SCRIB: variants seen among roughly 807,000 people sequenced by gnomAD.
SCRIB encodes the protein protein scribble homolog.
In SCRIB, 72 loss-of-function variants were observed where a neutral mutation model predicts 170.0. The observed-to-expected ratio is 0.42, with a 90% CI of 0.35 to 0.52. SCRIB has a LOEUF of 0.52. Ranked by LOEUF, SCRIB falls within the 20% of genes least tolerant of loss-of-function variation. The pLI, the probability that SCRIB is intolerant of heterozygous loss-of-function variation, is 0.02. For missense variants in SCRIB, 2,475 were observed against 2,338.5 expected (o/e 1.06, Z -1.20); for synonymous variants, 1,298 against 1,044.3 (o/e 1.24, Z -4.68).
rs1285133450 is a variant in SCRIB, at chr8:143,804,761, G to C, written c.2816C>G (p.Ser939Cys). The change falls in exon 21 of 37, where the codon TCC becomes TGC. Residue 939 changes from serine to cysteine, a missense_variant. Coordinates refer to ENST00000356994, the MANE Select transcript of SCRIB (RefSeq NM_182706.5). ...CTCCAACAGCAGGGCGATGGTGGGG[G>C]AGGCAGCGGTCAGCAGGGAGACGGC... ...DHAVSLLTAASPTIALLLERE... is the reference protein window; with the variant it reads ...DHAVSLLTAACPTIALLLERE... 1.2e-6 allele frequency: 2 copies of C among 1,604,482 alleles called. No homozygotes were observed. The highest frequency in any genetic ancestry group is 1.3e-5 in the African/African-American group (1 of 74,838).
chr8:143,800,915 C>T (rs1485270022), intron 24 of SCRIB, among the ~76,000 whole-genome samples: 1 of 152,170 alleles, frequency 6.6e-6, no homozygotes, highest in African/African-American at 2.4e-5. Flanking sequence ...TCCCAGAATT[C>T]CAGTCGGTTT....
chr8:143,809,330 C>A (rs751634202), intron 14 of SCRIB, among the ~76,000 whole-genome samples: 5 of 152,122 alleles, frequency 3.3e-5, no homozygotes, highest in Non-Finnish European at 5.9e-5. Flanking sequence ...GCCCAGCCGT[C>A]AGGGGAGACC....
In SCRIB at chr8:143,805,202, G is replaced by A. The variant is rs782361677; in HGVS notation, c.2580C>T (p.Arg860=). ...PPESPGPLRQ[R]HVACLARSER... Reference sequence around the variant, plus strand: ...CGCTGCGTGCCAGGCAGGCCACGTGGCGCTGACGGAGGGGCCCGGGGCTCT... The same window carrying A: ...CGCTGCGTGCCAGGCAGGCCACGTGACGCTGACGGAGGGGCCCGGGGCTCT... Residue 860 remains arginine (R), a synonymous_variant, in exon 19 of 37, where the codon CGC becomes CGT. Transcript: ENST00000356994. 10 of 1,570,266 alleles carry A rather than the reference G, an allele frequency of 6.4e-6. No homozygotes were observed. The African/African-American group carries it at 6.8e-5, about 11-fold the overall frequency.
chr8:143,800,248 A>G (rs1352631114), intron 24 of SCRIB, among the ~76,000 whole-genome samples: 2 of 152,186 alleles, frequency 1.3e-5, no homozygotes, highest in Non-Finnish European at 2.9e-5. Context: ...AGCAGATAAG[A>G]GGACTTCAGA....
Position 143,792,718 on chromosome 8 carries a change from C to T in SCRIB, c.4167G>A (p.Gln1389=). Residue 1389 remains glutamine (Q), a synonymous_variant, in exon 30 of 37, where the codon CAG becomes CAA. Coordinates refer to ENST00000356994, the MANE Select transcript of SCRIB (RefSeq NM_182706.5). ...LVGADDLRKM[Q]EEEARKLQQK... ...TTCCGTGCCCCTCACCTTCCTCCTC[C>T]TGCATCTTCCGCAGGTCGTCAGCAC... The T allele has an allele frequency of 6.3e-7, 1 of 1,588,836 alleles. No individual in the cohort carries two copies. Among genetic ancestry groups the T allele is most frequent in the Non-Finnish European group, 8.5e-7 (1 of 1,172,860 alleles).
Position 143,791,264 on chromosome 8 carries a change from T to C in SCRIB, c.4867A>G (p.Arg1623Gly). 1 of 1,523,850 alleles carries C rather than the reference T, an allele frequency of 6.6e-7. No homozygotes were observed. Among genetic ancestry groups the C allele is most frequent in the Non-Finnish European group, 8.8e-7 (1 of 1,135,470 alleles). The allele number at this position is 1,523,850 out of a possible 1,614,324, so 94.4% of individuals were successfully genotyped here. A position where few individuals can be genotyped will look rare whatever the true frequency, so the allele number is the denominator to read the frequency against. Reference sequence around the variant, plus strand: ...GGGCCCACAGCGCCGGGTGAGGGCCTGCCCAGAAGCACCAGAGCCACTTCT... The same window carrying C: ...GGGCCCACAGCGCCGGGTGAGGGCCCGCCCAGAAGCACCAGAGCCACTTCT... ...DGEVALVLLGRPSPGAVGPED... is the reference protein window; with the variant it reads ...DGEVALVLLGGPSPGAVGPED... The change falls in exon 37 of 37, where the codon AGG (arginine) becomes GGG (glycine). Residue 1623 changes from arginine (R) to glycine (G), a missense_variant. Coordinates refer to ENST00000356994, the MANE Select transcript of SCRIB (RefSeq NM_182706.5).
At chr8:143,793,819 G>C in intron 28 of SCRIB, 81 bp downstream of exon 28, 2 of 1,421,602 alleles carry the variant, frequency 1.4e-6, no homozygotes, top group South Asian at 1.2e-5. Flanking sequence ...CCCATCCCTG[G>C]AGGAGGGGCC....
At position 143,791,646 on chromosome 8, in the gene SCRIB, G is replaced by A. The variant is rs1820087733; in HGVS notation, c.4770+20C>T. Reference sequence around the variant, plus strand: ...GCACGGACAGGGTGGCAGGCATGCAGAGGCCTGGAGGCCAGGTACCTGGAT... The same window carrying A: ...GCACGGACAGGGTGGCAGGCATGCAAAGGCCTGGAGGCCAGGTACCTGGAT... On this transcript the variant is annotated intron_variant, in intron 35 of 36. Transcript: ENST00000356994. 6.3e-6 allele frequency: 10 copies of A among 1,595,550 alleles called. No individual in the cohort carries two copies. Among genetic ancestry groups the A allele is most frequent in the Non-Finnish European group, 8.6e-6 (10 of 1,165,064 alleles).
Position 143,808,965 on chromosome 8 carries a change from C to T in SCRIB, c.1759G>A (p.Gly587Arg), listed in dbSNP as rs1454063681. ...LPGDDREIEE[G>R]QPEAPWTLPG... is the part of the protein sequence containing the mutation. ...AGGGTCCAGGGGGCCTCAGGCTGCC[C>T]CTCCTCGATCTCCCTGTCATCCCCG... Residue 587 changes from glycine (G) to arginine (R), a missense_variant, in exon 15 of 37, where the codon GGG becomes AGG. This residue lies in a region of SCRIB where 1,966 missense variants were observed against 1,742.9 expected (regional missense o/e 1.13). Transcript: ENST00000356994. 1.2e-6 allele frequency: 2 copies of T among 1,613,194 alleles called. No individual in the cohort carries two copies.
In SCRIB at chr8:143,792,497, C is replaced by G; in HGVS notation, c.4316G>C (p.Ser1439Thr). The G allele has an allele frequency of 6.5e-7, 1 of 1,545,620 alleles. No individual in the cohort carries two copies. The highest frequency in any genetic ancestry group is 1.3e-5 in the African/African-American group (1 of 74,166). The change falls in exon 31 of 37, where the codon AGC becomes ACC. Residue 1439 changes from serine to threonine, a missense_variant. Transcript: ENST00000356994. The stretch of plus-strand genomic sequence containing the variant: ...GGCGGGTGCTCACCTTGAGGTGGGG[C>G]TCGGGCTGGCCCAGGGTGGCTGCTC... ...EDEQPPWASP[S>T]PTSRQSPASP... is the part of the protein sequence containing the mutation.
Position 143,809,560 on chromosome 8 carries a change from G to T in SCRIB, c.1689C>A (p.Asp563Glu). ...TCCTGCCAATCCACACCTCCTGGTA[G>T]TCCTCTTCGGCGTCTTCCTCCCCGC... ...TAGGEEDAEE[D>E]YQEPTVHFAE... Residue 563 changes from aspartate (D) to glutamate (E), a missense_variant, in exon 14 of 37, where the codon GAC (aspartate) becomes GAA (glutamate). This residue lies in a region of SCRIB where 1,966 missense variants were observed against 1,742.9 expected (regional missense o/e 1.13). Transcript: ENST00000356994. 1 of 1,610,884 alleles carries T rather than the reference G, an allele frequency of 6.2e-7. No individual in the cohort carries two copies.
In SCRIB at chr8:143,810,719, A is replaced by G; in HGVS notation, c.1371T>C (p.Asp457=). The change falls in exon 12 of 37, where the codon GAT becomes GAC. Residue 457 remains aspartate (D), a synonymous_variant. Transcript: ENST00000356994. ...CAGCTGCAGCTTCCTCAGCGTCCTC[A>G]TCACCTATGGGGGCCTCCAGGAACT... ...VIQFLEAPIG[D]EDAEEAAAEK... is the part of the protein sequence containing the mutation. 2 of 1,606,772 alleles carry G rather than the reference A, an allele frequency of 1.2e-6. No homozygotes were observed. The highest frequency in any genetic ancestry group is 1.7e-6 in the Non-Finnish European group (2 of 1,175,624).
chr8:143,809,722 C>A lies in SCRIB; in HGVS notation c.1531-4G>T. The A allele has an allele frequency of 1.2e-6, 2 of 1,606,738 alleles. No homozygotes were observed. Among genetic ancestry groups the A allele is most frequent in the African/African-American group, 2.7e-5 (2 of 75,034 alleles). ...ACTCGGCACTCAGCCGCTTCTCCTG[C>A]GGCGGGAAGTGGGGTCAGGCTTCGA... On this transcript the variant is annotated splice_polypyrimidine_tract_variant and splice_region_variant and intron_variant, in intron 13 of 36. Coordinates refer to ENST00000356994, the MANE Select transcript of SCRIB (RefSeq NM_182706.5).
chr8:143,794,964 G>T (rs1814876151), intron 27 of SCRIB, 74 bp downstream of exon 27: 1 of 1,451,368 alleles, frequency 6.9e-7, no homozygotes, highest in Non-Finnish European at 9.5e-7. Context: ...GGATGGCCCT[G>T]GCGTTTGTCC....
At chr8:143,805,741 G>A (rs782325171) in intron 18 of SCRIB, among the ~76,000 whole-genome samples, 11 of 152,248 alleles carry the variant, frequency 7.2e-5, no homozygotes, top group East Asian at 3.9e-4. Flanking sequence ...GGATACCTCC[G>A]GCCCATCTGC....
chr8:143,804,565 C>T lies in SCRIB; in HGVS notation c.3009+3G>A. 1 of 1,495,240 alleles carries T rather than the reference C, an allele frequency of 6.7e-7. No individual in the cohort carries two copies. Among genetic ancestry groups the T allele is most frequent in the Non-Finnish European group, 8.9e-7 (1 of 1,128,688 alleles). The allele number at this position is 1,495,240 out of a possible 1,614,324, so 92.6% of individuals were successfully genotyped here. A position where few individuals can be genotyped will look rare whatever the true frequency, so the allele number is the denominator to read the frequency against. On this transcript the variant is annotated splice_donor_region_variant and intron_variant, in intron 21 of 36. Coordinates refer to ENST00000356994, the MANE Select transcript of SCRIB (RefSeq NM_182706.5). ...GGTGCCTGGGTGGGGGCTTGTGTCTCACCTCCACTGGGTATGGCCCTTCCA... is the reference window on the plus strand; with the variant it reads ...GGTGCCTGGGTGGGGGCTTGTGTCTTACCTCCACTGGGTATGGCCCTTCCA...
chr8:143,811,452 G>A, intron 9 of SCRIB, 107 bp from the exon 10 acceptor site: 1 of 1,007,640 alleles, frequency 9.9e-7, no homozygotes, highest in Non-Finnish European at 1.5e-6. Context: ...GCTCCAGCCA[G>A]GGTCCCTCAC....
intron 24 of SCRIB, among the ~76,000 whole-genome samples, chr8:143,797,912 T>G (rs1023883741): frequency 3.9e-5 from 6 of 152,278 alleles, no homozygotes; most frequent in Non-Finnish European, 8.8e-5. Context: ...TTCTTTGTCC[T>G]GTTTTTGCAA....
chr8:143,795,498 C>T lies in SCRIB; in HGVS notation c.3636G>A (p.Ala1212=), dbSNP rs369229463. 1.4e-5 allele frequency: 22 copies of T among 1,612,982 alleles called. No individual in the cohort carries two copies. The highest frequency in any genetic ancestry group is 2.7e-5 in the African/African-American group (2 of 74,878). ...VSPGVIANPF[A]AGIGHRNSLE... ...GGCTGTTCCGGTGGCCGATGCCTGCCGCAAAGGGGTTGGCAATGACACCTG... is the reference window on the plus strand; with the variant it reads ...GGCTGTTCCGGTGGCCGATGCCTGCTGCAAAGGGGTTGGCAATGACACCTG... Residue 1212 remains alanine (A), a synonymous_variant, in exon 25 of 37, where the codon GCG becomes GCA. Transcript: ENST00000356994.
Sources: allele counts gnomAD v4.1 joint callset (sites outside exome capture counted in the v4.1 genomes callset), GRCh38; gene constraint gnomAD v4.1.1; regional missense constraint gnomAD v4.1.1; transcripts MANE v1.5; gene names NCBI Gene and HGNC (gene_info 2026-07-23, HGNC 2026-07-21).